The following TUT4 variants were observed in gnomAD, a reference collection of about 807,000 sequenced individuals.
TUT4 encodes terminal uridylyl transferase 4.
TUT4 carries 36 observed loss-of-function variants against 192.2 expected under a neutral mutation model. The observed-to-expected ratio is 0.19, with a 90% CI of 0.14 to 0.25. The LOEUF is 0.25. Among genes scored for constraint, TUT4 ranks in the 10% least tolerant of loss-of-function variants. The probability of loss-of-function intolerance (pLI) is 1.00; values close to 1 mark genes in which losing one functional copy is unlikely to be tolerated. For synonymous variants in TUT4, 618 were observed against 666.0 expected, an observed-to-expected ratio of 0.93 and a Z score of 1.11; for missense variants, 1,493 against 1,957.2, an observed-to-expected ratio of 0.76 and a Z score of 4.47.
intron 24 of TUT4, among the ~76,000 whole-genome samples, chr1:52,445,539 C>G (rs746645094): frequency 7.9e-5 from 12 of 152,132 alleles, no homozygotes; most frequent in Non-Finnish European, 1.6e-4. Context: ...GTGAACCTTA[C>G]AGACATGAAT....
intron 4 of TUT4, 31 bp downstream of exon 4, chr1:52,509,565 T>C: frequency 8.6e-7 from 1 of 1,168,900 alleles, no homozygotes; most frequent in Admixed American, 2.4e-5. Context: ...ACTTGAAAAA[T>C]AAATAAAAGT....
chr1:52,472,455 A>T (rs1238029130), intron 13 of TUT4, among the ~76,000 whole-genome samples: 2 of 152,028 alleles, frequency 1.3e-5, no homozygotes, highest in Non-Finnish European at 2.9e-5. Flanking sequence ...AATAGGTTAT[A>T]AAGAAATTTT....
At chr1:52,460,997 C>A (rs1173180541) in intron 19 of TUT4, 137 bp downstream of exon 19, 1 of 577,168 alleles carries the variant, frequency 1.7e-6, no homozygotes, top group Non-Finnish European at 2.9e-6. Flanking sequence ...TCTATTCAAG[C>A]TATATAATAC....
In TUT4 at chr1:52,526,327, G is replaced by C; in HGVS notation, c.-47C>G. On this transcript the variant is annotated 5_prime_UTR_variant, in exon 2 of 30. It adds an upstream start codon to the 5' untranslated region. Coordinates refer to ENST00000257177, the MANE Select transcript of TUT4 (RefSeq NM_001009881.3). ...CCAATTGTGATATTATAAAATGGCAGATCTCCAGTAGTTTAAATTGCTTCA... is the reference window on the plus strand; with the variant it reads ...CCAATTGTGATATTATAAAATGGCACATCTCCAGTAGTTTAAATTGCTTCA... 1 of 1,423,086 alleles carries C rather than the reference G, an allele frequency of 7.0e-7. No homozygotes were observed. Among genetic ancestry groups the C allele is most frequent in the Non-Finnish European group, 9.1e-7 (1 of 1,093,494 alleles). The allele number at this position is 1,423,086 out of a possible 1,614,324, so 88.2% of individuals were successfully genotyped here. A position where few individuals can be genotyped will look rare whatever the true frequency, so the allele number is the denominator to read the frequency against.
chr1:52,449,100 C>T (rs1043042561), intron 20 of TUT4, among the ~76,000 whole-genome samples: 3 of 151,966 alleles, frequency 2.0e-5, no homozygotes, highest in Admixed American at 6.6e-5. Flanking sequence ...CACACACACA[C>T]TCTCTCTCCC....
chr1:52,484,924 CAGAGT>C (rs1283978046), intron 9 of TUT4, among the ~76,000 whole-genome samples: 10 of 152,316 alleles, frequency 6.6e-5, no homozygotes, highest in Admixed American at 3.9e-4. Flanking sequence ...CCTGACCATT[CAGAGT>C]AATGTCATTC....
rs1206691221 is a variant in TUT4 at position 52,446,502 on chromosome 1, C to G, written c.3514-60G>C. ...TATACAGTACTATCCAAAACATGGA[C>G]AGCAAATTTAAGTAAAATTATTAAA... is the stretch of plus-strand genomic sequence containing the variant. On this transcript the variant is annotated intron_variant, in intron 21 of 29. Coordinates refer to ENST00000257177, the MANE Select transcript of TUT4 (RefSeq NM_001009881.3). 73 of 1,549,820 alleles carry G rather than the reference C, an allele frequency of 4.7e-5. No individual in the cohort carries two copies. The South Asian group carries it at 7.3e-4, about 15-fold the overall frequency.
chr1:52,515,766 GAAGT>G, intron 3 of TUT4, 121 bp downstream of exon 3: 1 of 1,053,628 alleles, frequency 9.5e-7, no homozygotes, highest in Non-Finnish European at 1.4e-6. Context: ...AGAGAAGAGG[GAAGT>G]AAGGAAAGAT....
intron 6 of TUT4, 63 bp downstream of exon 6, chr1:52,495,364 A>G (rs906359317): frequency 1.9e-6 from 2 of 1,031,240 alleles, no homozygotes; most frequent in Non-Finnish European, 2.9e-6. Flanking sequence ...CTCTACAAAG[A>G]TAATCCATAA....
chr1:52,518,934 A>T (rs1252647487), intron 2 of TUT4, among the ~76,000 whole-genome samples: 2 of 152,212 alleles, frequency 1.3e-5, no homozygotes, highest in Non-Finnish European at 2.9e-5. Flanking sequence ...ATACTTTAAA[A>T]TGGTTAAGAT....
chr1:52,445,302 A>C (rs7525340), intron 24 of TUT4, among the ~76,000 whole-genome samples: 9,111 of 152,208 alleles, frequency 0.06, 294 homozygotes, highest in South Asian at 0.086. Context: ...AATTCAGCTT[A>C]CTAAAGCTAT....
At chr1:52,471,931 T>TTGTAGTAA in intron 14 of TUT4, 21 bp downstream of exon 14, 1 of 1,601,636 alleles carries the variant, frequency 6.2e-7, no homozygotes, top group Non-Finnish European at 8.5e-7. Flanking sequence ...GTCCCAATAG[T>TTGTAGTAA]TGTAGTAATG....
chr1:52,504,629 T>TG (rs901302152), intron 4 of TUT4, among the ~76,000 whole-genome samples: 1 of 152,088 alleles, frequency 6.6e-6, no homozygotes, highest in African/African-American at 2.4e-5. Flanking sequence ...GACTCTATCT[T>TG]GAAAAAAAAC....
intron 1 of TUT4, among the ~76,000 whole-genome samples, chr1:52,547,644 T>C (rs1386455316): frequency 6.6e-6 from 1 of 152,222 alleles, no homozygotes; most frequent in Non-Finnish European, 1.5e-5. Context: ...AAATGATGAA[T>C]GGTTAAACAA....
intron 4 of TUT4, among the ~76,000 whole-genome samples, chr1:52,500,228 AC>A (rs1673716517): frequency 6.6e-6 from 1 of 152,192 alleles, no homozygotes; most frequent in Non-Finnish European, 1.5e-5. Flanking sequence ...AGTTTTTTCA[AC>A]AAATGTTGCT....
chr1:52,508,152 T>C (rs1676126353), intron 4 of TUT4, among the ~76,000 whole-genome samples: 1 of 151,712 alleles, frequency 6.6e-6, no homozygotes, highest in Non-Finnish European at 1.5e-5. Flanking sequence ...CTTGCCCAGG[T>C]GAAACCCCGT....
At chr1:52,452,538 T>G (rs928092595) in intron 20 of TUT4, among the ~76,000 whole-genome samples, 14 of 152,246 alleles carry the variant, frequency 9.2e-5, no homozygotes, top group African/African-American at 3.4e-4. Context: ...TGATCACCAA[T>G]GGCGAACAGC....
At chr1:52,490,912 G>C (rs1458824870) in intron 7 of TUT4, 111 bp from the exon 8 acceptor site, 2 of 885,562 alleles carry the variant, frequency 2.3e-6, no homozygotes, top group African/African-American at 3.4e-5. Context: ...TGCTTCTGTG[G>C]GATAATCCAC....
At position 52,455,378 on chromosome 1, in the gene TUT4, G is replaced by A. The variant is rs1660589015; in HGVS notation, c.3435+2958C>T. Among the ~76,000 whole-genome samples, 7 of 152,042 alleles carry A rather than the reference G, an allele frequency of 4.6e-5. 1 individual carries two copies. In the South Asian group the frequency reaches 1.5e-3, roughly 32 times the overall value. On this transcript the variant is annotated intron_variant, in intron 20 of 29. Coordinates refer to ENST00000257177, the MANE Select transcript of TUT4 (RefSeq NM_001009881.3). ...AAAAGTAATCTCAACACTTTGAGAG[G>A]CCGAGGTGGGCTTGAGCCCAGGAGT...
Sources: gnomAD v4.1 joint callset for allele counts (sites outside exome capture counted in the v4.1 genomes callset) on GRCh38, gnomAD v4.1.1 for gene constraint, MANE v1.5 for transcripts, NCBI Gene and HGNC (gene_info 2026-07-23, HGNC 2026-07-21) for gene names.